The following MFSD2B variants were observed in gnomAD, a reference collection of about 807,000 sequenced individuals.
The protein encoded by MFSD2B is sphingosine-1-phosphate transporter MFSD2B.
A neutral mutation model predicts 58.4 loss-of-function variants in MFSD2B; 56 were observed. The ratio of observed to expected loss-of-function variants is 0.96; its 90% CI spans 0.77 to 1.20. The LOEUF (loss-of-function observed/expected upper bound fraction) is 1.20. Ranked by LOEUF, MFSD2B falls within the 50% of genes most tolerant of loss-of-function variation. MFSD2B has a pLI of 0.00. For missense variants in MFSD2B, 645 were observed against 667.6 expected, an observed-to-expected ratio of 0.97 and a Z score of 0.37; for synonymous variants, 287 against 294.4, an observed-to-expected ratio of 0.97 and a Z score of 0.26.
Position 24,024,680 on chromosome 2 carries a change from C to T in MFSD2B, c.1490+409C>T, listed in dbSNP as rs887530887. ...ATGTGGACATTTCCACCTAGTAGCC[C>T]ACAAGCCTGGCACTCAGTCTCGATG... On this transcript the variant is annotated intron_variant, in intron 13 of 13. Coordinates refer to ENST00000338315, the MANE Select transcript of MFSD2B (RefSeq NM_001346880.2). The surrounding 1 kb of genome is among the most constrained non-coding windows in gnomAD (Gnocchi z 4.3). 6.6e-6 allele frequency among the ~76,000 whole-genome samples: 1 copy of T among 152,108 alleles called. No individual in the cohort carries two copies. Among genetic ancestry groups the T allele is most frequent in the Non-Finnish European group, 1.5e-5 (1 of 68,022 alleles).
At chr2:24,018,733 A>AT in intron 6 of MFSD2B, 8 of 169,238 alleles carry the variant, frequency 4.7e-5, no homozygotes, top group Non-Finnish European at 8.9e-5. Flanking sequence ...AAAAAAAAAA[A>AT]GGAGTTTGAG....
rs11887523 is a variant in MFSD2B at position 24,013,366 on chromosome 2, G to A, written c.178G>A (p.Ala60Thr). The part of the protein sequence containing the change: ...GGVPNQIASS[A>T]TAFYLQLFLL... ...GGTCCCCAACCAGATAGCCTCCAGC[G>A]CCACAGCCTTTTACCTGCAGCTTTT... Residue 60 changes from alanine (A) to threonine (T), a missense_variant, in exon 2 of 14, where the codon GCC becomes ACC. Transcript: ENST00000338315. 4.5e-3 allele frequency: 7,217 copies of A among 1,610,872 alleles called. 272 individuals carry two copies. The African/African-American group carries it at 0.078, about 18-fold the overall frequency.
rs1308750643 is a variant in MFSD2B at position 24,020,412 on chromosome 2, G to A, written c.682-1236G>A. Among the ~76,000 whole-genome samples the A allele has an allele frequency of 1.3e-5, 2 of 152,154 alleles. No homozygotes were observed. The highest frequency in any genetic ancestry group is 6.5e-5 in the Admixed American group (1 of 15,286). On this transcript the variant is annotated intron_variant, in intron 6 of 13. Coordinates refer to ENST00000338315, the MANE Select transcript of MFSD2B (RefSeq NM_001346880.2). This position sits in a 1 kb window ranked among gnomAD's most constrained non-coding sequence, Gnocchi z 4.1. Reference sequence around the variant, plus strand: ...GCATGAGGCCCAGGGCGGTTGCACAGGATGAGTGCCCTGCCCCACCCTGCG... The same window carrying A: ...GCATGAGGCCCAGGGCGGTTGCACAAGATGAGTGCCCTGCCCCACCCTGCG...
In MFSD2B at chr2:24,017,983, G is replaced by T. The variant is rs1709222108; in HGVS notation, c.681+395G>T. Among the ~76,000 whole-genome samples, 1 of 151,946 alleles carries T rather than the reference G, an allele frequency of 6.6e-6. No individual in the cohort carries two copies. Among genetic ancestry groups the T allele is most frequent in the Non-Finnish European group, 1.5e-5 (1 of 67,954 alleles). ...GACCCATGCCCCCTCCCCCAGCCCT[G>T]ACCAGGTGAGCCCCCAACCCGCAGC... is the stretch of plus-strand genomic sequence containing the variant. On this transcript the variant is annotated intron_variant, in intron 6 of 13. Transcript: ENST00000338315. The surrounding 1 kb of genome is among the most constrained non-coding windows in gnomAD (Gnocchi z 4.8).
rs757295171 is a variant in MFSD2B at position 24,024,102 on chromosome 2, G to C, written c.1321G>C (p.Gly441Arg). 5 of 1,613,624 alleles carry C rather than the reference G, an allele frequency of 3.1e-6. No homozygotes were observed. In the African/African-American group the frequency reaches 6.7e-5, roughly 22 times the overall value. ...GISTLSLEFSGYKAGVCKQAE... is the reference protein window; with the variant it reads ...GISTLSLEFSRYKAGVCKQAE... ...TGGCTGATGTTTCTCCAGGTTCTCG[G>C]GGTATAAGGCAGGGGTCTGCAAGCA... Residue 441 changes from glycine to arginine, a missense_variant, in exon 13 of 14, where the codon GGG (glycine) becomes CGG (arginine). Physicochemically the swap from Gly to Arg is moderately radical, Grantham distance 125. Transcript: ENST00000338315. This position sits in a 1 kb window ranked among gnomAD's most constrained non-coding sequence, Gnocchi z 4.3.
chr2:24,023,391 G>A lies in MFSD2B; in HGVS notation c.1169+152G>A. ...AGCCCTCCTGAGAGGACATCAGGCA[G>A]TAGGAATGGCGGGGGGCCGGCAGGG... On this transcript the variant is annotated intron_variant, in intron 11 of 13. Transcript: ENST00000338315. The surrounding 1 kb of genome is among the most constrained non-coding windows in gnomAD (Gnocchi z 5.0). The A allele has an allele frequency of 1.1e-6, 1 of 909,342 alleles. No individual in the cohort carries two copies. Among genetic ancestry groups the A allele is most frequent in the Non-Finnish European group, 1.7e-6 (1 of 588,252 alleles). 56.3% of individuals were successfully genotyped at this position (909,342 alleles called of 1,614,324 possible).
intron 1 of MFSD2B, among the ~76,000 whole-genome samples, 198 bp downstream of exon 1, chr2:24,010,390 G>C (rs911844396): frequency 1.3e-4 from 20 of 152,230 alleles, no homozygotes; most frequent in African/African-American, 4.8e-4. Context: ...AGACTAGGAC[G>C]GGAAGCCTAG....
In MFSD2B at chr2:24,021,795, C is replaced by T; in HGVS notation, c.773-54C>T. The T allele has an allele frequency of 6.2e-7, 1 of 1,612,842 alleles. No individual in the cohort carries two copies. Among genetic ancestry groups the T allele is most frequent in the Non-Finnish European group, 8.5e-7 (1 of 1,179,210 alleles). ...CTGGGGGCAGGGCTCTGCTTGGGGG[C>T]AGGTTTTGCTTTTGAACTCTGCGAA... On this transcript the variant is annotated intron_variant, in intron 7 of 13. Coordinates refer to ENST00000338315, the MANE Select transcript of MFSD2B (RefSeq NM_001346880.2). This position sits in a 1 kb window ranked among gnomAD's most constrained non-coding sequence, Gnocchi z 5.7.
Position 24,013,400 on chromosome 2 carries a change from A to G in MFSD2B, c.212A>G (p.Asp71Gly). ...TAFYLQLFLL[D>G]IAQIPAAQVS... ...TTTTACCTGCAGCTTTTCCTGCTTG[A>G]TATAGCACAGGTAAGTGTGGGCAGT... Residue 71 changes from aspartate to glycine, a missense_variant, in exon 2 of 14, where the codon GAT becomes GGT. Asp to Gly is a moderately conservative substitution (Grantham distance 94). Transcript: ENST00000338315. The G allele has an allele frequency of 6.2e-7, 1 of 1,607,574 alleles. No homozygotes were observed. Among genetic ancestry groups the G allele is most frequent in the African/African-American group, 1.3e-5 (1 of 74,960 alleles).
intron 3 of MFSD2B, 52 bp downstream of exon 3, chr2:24,016,332 G>A: frequency 1.5e-6 from 2 of 1,343,556 alleles, no homozygotes; most frequent in South Asian, 2.8e-5. Context: ...TGGCCCTGAG[G>A]TCACTGTTTG....
chr2:24,010,223 C>A, intron 1 of MFSD2B, 31 bp downstream of exon 1: 1 of 1,346,280 alleles, frequency 7.4e-7, no homozygotes, highest in Non-Finnish European at 9.5e-7. Context: ...CGGGAAGGGG[C>A]TGCGTCCTCG....
In MFSD2B at chr2:24,017,548, C is replaced by T. The variant is rs1482244046; in HGVS notation, c.641C>T (p.Ala214Val). 2 of 1,568,440 alleles carry T rather than the reference C, an allele frequency of 1.3e-6. No individual in the cohort carries two copies. The highest frequency in any genetic ancestry group is 1.7e-6 in the Non-Finnish European group (2 of 1,156,888). ...GCCCACAGACCCCACAGGTGCGAGG[C>T]CACTGCGACCCCGGGGCCAGTCACT... is the stretch of plus-strand genomic sequence containing the variant. The part of the protein sequence containing the change: ...SGAHRPHRCE[A>V]TATPGPVTVS... The change falls in exon 6 of 14, where the codon GCC (alanine) becomes GTC (valine). Residue 214 changes from alanine (A) to valine (V), a missense_variant. Physicochemically the swap from Ala to Val is moderately conservative, Grantham distance 64. Transcript: ENST00000338315. This position sits in a 1 kb window ranked among gnomAD's most constrained non-coding sequence, Gnocchi z 4.8.
chr2:24,011,690 T>G (rs1440501452), intron 1 of MFSD2B, among the ~76,000 whole-genome samples: 1 of 152,214 alleles, frequency 6.6e-6, no homozygotes, highest in Non-Finnish European at 1.5e-5. Flanking sequence ...GGATATATAC[T>G]AAGCACCTAC....
intron 3 of MFSD2B, 146 bp downstream of exon 3, chr2:24,016,426 T>A: frequency 2.2e-6 from 2 of 902,380 alleles, no homozygotes; most frequent in East Asian, 2.7e-5. Context: ...GGGGACTGAC[T>A]GTGAGTGATA....
rs559840022 is a variant in MFSD2B at position 24,017,492 on chromosome 2, G to A, written c.585G>A (p.Gly195=). The part of the protein sequence containing the change: ...MTVEMAGTLM[G]ATVHGLIVSG... Reference sequence around the variant, plus strand: ...TGGAGATGGCGGGAACACTGATGGGGGCCACTGTCCACGGGCTCATCGTGT... The same window carrying A: ...TGGAGATGGCGGGAACACTGATGGGAGCCACTGTCCACGGGCTCATCGTGT... The change falls in exon 6 of 14, where the codon GGG becomes GGA. Residue 195 remains glycine (G), a synonymous_variant. Coordinates refer to ENST00000338315, the MANE Select transcript of MFSD2B (RefSeq NM_001346880.2). The surrounding 1 kb of genome is among the most constrained non-coding windows in gnomAD (Gnocchi z 4.8). 2 of 1,598,980 alleles carry A rather than the reference G, an allele frequency of 1.3e-6. No homozygotes were observed. The highest frequency in any genetic ancestry group is 2.7e-5 in the African/African-American group (2 of 74,792).
Position 24,013,465 on chromosome 2 carries a change from T to G in MFSD2B, c.222+55T>G, listed in dbSNP as rs1225707475. ...TGGCATCTTCCTTGGGGTCTGGTCCTTCCACCCCCACCTCTGCTTCTGCTC... is the reference window on the plus strand; with the variant it reads ...TGGCATCTTCCTTGGGGTCTGGTCCGTCCACCCCCACCTCTGCTTCTGCTC... On this transcript the variant is annotated intron_variant, in intron 2 of 13. Transcript: ENST00000338315. 8 of 1,495,108 alleles carry G rather than the reference T, an allele frequency of 5.4e-6. No homozygotes were observed. The Admixed American group carries it at 1.5e-4, about 29-fold the overall frequency. The allele number at this position is 1,495,108 out of a possible 1,614,324, so 92.6% of individuals were successfully genotyped here.
At chr2:24,018,932 C>T (rs1269047654) in intron 6 of MFSD2B, among the ~76,000 whole-genome samples, 1 of 146,468 alleles carries the variant, frequency 6.8e-6, no homozygotes, top group Non-Finnish European at 1.5e-5. Flanking sequence ...CTCACTGCAA[C>T]CTCCGTCTCC....
intron 1 of MFSD2B, among the ~76,000 whole-genome samples, chr2:24,010,666 C>A (rs1208391835): frequency 6.6e-6 from 1 of 152,184 alleles, no homozygotes; most frequent in Non-Finnish European, 1.5e-5. Flanking sequence ...TGGGCTCCGA[C>A]AAGAAGGGAG....
rs552297631 is a variant in MFSD2B, at chr2:24,013,292, G to A, written c.104G>A (p.Arg35Lys). The A allele has an allele frequency of 2.5e-6, 4 of 1,602,868 alleles. No individual in the cohort carries two copies. The East Asian group carries it at 9.0e-5, about 36-fold the overall frequency. ...GSAKRGREDS[R>K]AGRLSFCTKV... ...TTCCTGTGTCTCCTCCAGGACAGCA[G>A]AGCCGGTCGCCTCTCATTCTGTACA... The change falls in exon 2 of 14, where the codon AGA becomes AAA. Residue 35 changes from arginine (R) to lysine (K), a missense_variant. Coordinates refer to ENST00000338315, the MANE Select transcript of MFSD2B (RefSeq NM_001346880.2).
Sources: allele counts gnomAD v4.1 joint callset (sites outside exome capture counted in the v4.1 genomes callset), GRCh38; gene constraint gnomAD v4.1.1; non-coding constraint Gnocchi (gnomAD v3.1); transcripts MANE v1.5; gene names NCBI Gene and HGNC (gene_info 2026-07-23, HGNC 2026-07-21).